The following PLCH1 variants were observed in gnomAD, a reference collection of about 807,000 sequenced individuals.
PLCH1 encodes the protein 1-phosphatidylinositol 4,5-bisphosphate phosphodiesterase eta-1.
Under a neutral mutation model 126.7 loss-of-function variants are expected in PLCH1, and 60 were observed. The observed-to-expected ratio is 0.47, with a 90% CI of 0.38 to 0.59. PLCH1 has a LOEUF of 0.59. Among genes scored for constraint, PLCH1 ranks in the 20% least tolerant of loss-of-function variants. The pLI is 0.00. For missense variants in PLCH1, 1,723 were observed against 2,040.0 expected, an observed-to-expected ratio of 0.84 and a Z score of 2.99; for synonymous variants, 719 against 734.9, an observed-to-expected ratio of 0.98 and a Z score of 0.35.
chr3:155,727,081 C>G lies in PLCH1; in HGVS notation c.-41+17759G>C, dbSNP rs369604356. Among the ~76,000 whole-genome samples, 51 of 151,764 alleles carry G rather than the reference C, an allele frequency of 3.4e-4. No individual in the cohort carries two copies. In the South Asian group the frequency reaches 0.011, roughly 31 times the overall value. ...TTACCTATTCATAAATTCATTCACT[C>G]TCTTATTTTTAATTATTACATTTTT... On this transcript the variant is annotated intron_variant, in intron 1 of 22. Coordinates refer to ENST00000460012, the MANE Select transcript of PLCH1 (RefSeq NM_014996.4).
At chr3:155,551,176 G>A (rs1380943568) in intron 9 of PLCH1, among the ~76,000 whole-genome samples, 2 of 152,122 alleles carry the variant, frequency 1.3e-5, no homozygotes, top group African/African-American at 4.8e-5. Flanking sequence ...AGGGAGTGGT[G>A]GCTCATGCCT....
intron 8 of PLCH1, among the ~76,000 whole-genome samples, chr3:155,560,164 GTCACT>G (rs1222245171): frequency 6.6e-6 from 1 of 152,162 alleles, no homozygotes; most frequent in East Asian, 1.9e-4. Flanking sequence ...AGAGTTGACT[GTCACT>G]TCATGGAGTC....
chr3:155,524,185 C>T (rs928360909), intron 10 of PLCH1, among the ~76,000 whole-genome samples, 181 bp from the exon 11 acceptor site: 4 of 152,098 alleles, frequency 2.6e-5, no homozygotes, highest in African/African-American at 9.7e-5. Flanking sequence ...ATGAAGGAAC[C>T]TTGAAGGTAT....
At chr3:155,577,114 G>A (rs1371118709) in intron 6 of PLCH1, among the ~76,000 whole-genome samples, 1 of 152,012 alleles carries the variant, frequency 6.6e-6, no homozygotes, top group African/African-American at 2.4e-5. Context: ...TTAAAAATTA[G>A]CTGGGTGTGA....
rs56820929 is a variant in PLCH1, at chr3:155,628,549, C to CTT, written c.80-32173_80-32172dup. ...CCCCATGCTTTGGATCTTCACCTCT[C>CTT]TTTTTTTTTTTTTTTTTGAGTTGGG... On this transcript the variant is annotated intron_variant, in intron 2 of 22. Coordinates refer to ENST00000460012, the MANE Select transcript of PLCH1 (RefSeq NM_014996.4). 1.9e-4 allele frequency among the ~76,000 whole-genome samples: 27 copies of CTT among 143,418 alleles called. 2 individuals carry two copies. The highest frequency in any genetic ancestry group is 3.6e-3 in the Middle Eastern group (1 of 280). The allele number at this position is 143,418 out of a possible 152,430, so 94.1% of individuals were successfully genotyped here. A position where few individuals can be genotyped will look rare whatever the true frequency, so the allele number is the denominator to read the frequency against.
At chr3:155,511,801 G>A (rs375423434) in intron 12 of PLCH1, among the ~76,000 whole-genome samples, 5 of 151,014 alleles carry the variant, frequency 3.3e-5, no homozygotes, top group Non-Finnish European at 5.9e-5. Context: ...ACTGCTGTCT[G>A]TTTGTTTGTC....
At chr3:155,575,127 T>C (rs1340335892) in intron 6 of PLCH1, among the ~76,000 whole-genome samples, 3 of 148,950 alleles carry the variant, frequency 2.0e-5, no homozygotes, top group African/African-American at 5.0e-5. Flanking sequence ...CAAGACCCCA[T>C]CTAAAAAAAA....
At chr3:155,566,312 C>CAT (rs373954219) in intron 7 of PLCH1, among the ~76,000 whole-genome samples, 20 of 12,278 alleles carry the variant, frequency 1.6e-3, no homozygotes, top group South Asian at 4.6e-3. Flanking sequence ...CATATATATA[C>CAT]ATATATACAT....
intron 2 of PLCH1, among the ~76,000 whole-genome samples, chr3:155,650,927 A>G (rs965459935): frequency 7.2e-5 from 11 of 152,172 alleles, no homozygotes; most frequent in Admixed American, 5.9e-4. Context: ...AGTCCCAGCT[A>G]CTAGGGAGGG....
At chr3:155,522,401 T>C (rs1033909250) in intron 11 of PLCH1, among the ~76,000 whole-genome samples, 4 of 152,228 alleles carry the variant, frequency 2.6e-5, no homozygotes, top group African/African-American at 9.6e-5. Context: ...TAATTAATGG[T>C]ATTTAATTTT....
chr3:155,608,566 G>A (rs1200054047), intron 2 of PLCH1, among the ~76,000 whole-genome samples: 2 of 152,082 alleles, frequency 1.3e-5, no homozygotes, highest in Non-Finnish European at 2.9e-5. Flanking sequence ...CTAGCTTCAT[G>A]GAAGCTGTGT....
chr3:155,613,124 C>A (rs1396697626), intron 2 of PLCH1, among the ~76,000 whole-genome samples: 12 of 151,886 alleles, frequency 7.9e-5, no homozygotes, highest in African/African-American at 2.9e-4. Context: ...TCTGAACAGA[C>A]CAATAACAAG....
At chr3:155,617,388 T>G (rs928325936) in intron 2 of PLCH1, among the ~76,000 whole-genome samples, 13 of 151,924 alleles carry the variant, frequency 8.6e-5, no homozygotes, top group African/African-American at 2.9e-4. Context: ...AGAAAAGGAG[T>G]TAATTGCATG....
downstream of PLCH1, among the ~76,000 whole-genome samples, chr3:155,476,838 C>T (rs1192407521): frequency 6.6e-6 from 1 of 151,818 alleles, no homozygotes; most frequent in Non-Finnish European, 1.5e-5. Context: ...AAGCAATCTA[C>T]AGATTCGATG....
chr3:155,602,336 CCCTGTTA>C (rs1243158832), intron 2 of PLCH1, among the ~76,000 whole-genome samples: 1 of 152,042 alleles, frequency 6.6e-6, no homozygotes, highest in Non-Finnish European at 1.5e-5. Flanking sequence ...ATAACAATGG[CCCTGTTA>C]CCTATAAGAA....
At chr3:155,568,351 T>C (rs566468703) in intron 6 of PLCH1, 27 bp from the exon 7 acceptor site, 1 of 916,264 alleles carries the variant, frequency 1.1e-6, no homozygotes, top group East Asian at 2.4e-5. Flanking sequence ...ACTAGTAGAG[T>C]ACCTGCAATT....
At chr3:155,469,359 T>G (rs951399119) in intron 21 of PLCH1, among the ~76,000 whole-genome samples, 4 of 152,194 alleles carry the variant, frequency 2.6e-5, no homozygotes, top group African/African-American at 9.7e-5. Context: ...AATACTGCGC[T>G]TTTCGGACCG....
intron 9 of PLCH1, among the ~76,000 whole-genome samples, chr3:155,551,092 C>T (rs1364511072): frequency 6.6e-6 from 1 of 152,130 alleles, no homozygotes; most frequent in Non-Finnish European, 1.5e-5. Context: ...CTGAGTTGTC[C>T]TGCAGTCACA....
intron 1 of PLCH1, among the ~76,000 whole-genome samples, chr3:155,735,601 T>A (rs1430038348): frequency 7.0e-6 from 1 of 142,932 alleles, no homozygotes; most frequent in Admixed American, 7.3e-5. Context: ...ACCACTGCAC[T>A]CCAGCCTGGG....
Sources: gnomAD v4.1 joint callset for allele counts (sites outside exome capture counted in the v4.1 genomes callset) on GRCh38, gnomAD v4.1.1 for gene constraint, MANE v1.5 for transcripts, NCBI Gene and HGNC (gene_info 2026-07-23, HGNC 2026-07-21) for gene names.